Variants in SLC6A2 observed in about 807,000 individuals in gnomAD.
SLC6A2 encodes the protein solute carrier family 6 member 2.
Under a neutral mutation model 71.7 loss-of-function variants are expected in SLC6A2, and 26 were observed. That is an observed-to-expected ratio of 0.36 (90% confidence interval 0.27 to 0.50). SLC6A2 has a LOEUF of 0.50. Ranked by LOEUF, SLC6A2 falls within the 20% of genes least tolerant of loss-of-function variation. The probability of loss-of-function intolerance (pLI) is 0.96; values close to 1 mark genes in which losing one functional copy is unlikely to be tolerated. For missense variants in SLC6A2, 581 were observed against 803.9 expected (o/e 0.72, Z 3.35); for synonymous variants, 363 against 337.9 (o/e 1.07, Z -0.82).
At chr16:55,685,334 T>C in intron 5 of SLC6A2, 53 bp downstream of exon 5, 2 of 1,569,176 alleles carry the variant, frequency 1.3e-6, no homozygotes, top group South Asian at 2.2e-5. Flanking sequence ...CCTTGGGGGG[T>C]GTGATTATTT....
At chr16:55,691,830 C>G in intron 5 of SLC6A2, 88 bp from the exon 6 acceptor site, 1 of 1,458,638 alleles carries the variant, frequency 6.9e-7, no homozygotes, top group Non-Finnish European at 9.6e-7. Context: ...GCATGACTGG[C>G]TCCCTGGGAA....
chr16:55,673,841 C>T (rs909350185), intron 4 of SLC6A2, among the ~76,000 whole-genome samples: 10 of 152,168 alleles, frequency 6.6e-5, no homozygotes, highest in Non-Finnish European at 1.0e-4. Flanking sequence ...GGATTACAGG[C>T]GTGAGCCACC....
At chr16:55,699,525 G>T (rs1363615421) in intron 11 of SLC6A2, 29 bp from the exon 12 acceptor site, 2 of 1,578,878 alleles carry the variant, frequency 1.3e-6, no homozygotes, top group African/African-American at 2.7e-5. Context: ...TGGGGGCCAT[G>T]GTAACAGGCC....
chr16:55,665,524 G>A (rs1408684226), intron 2 of SLC6A2, among the ~76,000 whole-genome samples: 1 of 152,042 alleles, frequency 6.6e-6, no homozygotes, highest in Non-Finnish European at 1.5e-5. Context: ...ATCAAGGTGT[G>A]GCCAGAATTC....
chr16:55,702,415 C>A lies in SLC6A2; in HGVS notation c.*69C>A. On this transcript the variant is annotated 3_prime_UTR_variant, in exon 15 of 15. Transcript: ENST00000568943. Reference sequence around the variant, plus strand: ...GTCACAGGCATCCGCTGCGCTCCCACCTCGGACACCATCTTGGGATTCCTC... The same window carrying A: ...GTCACAGGCATCCGCTGCGCTCCCAACTCGGACACCATCTTGGGATTCCTC... 6.2e-7 allele frequency: 1 copy of A among 1,613,898 alleles called. No individual in the cohort carries two copies. Among genetic ancestry groups the A allele is most frequent in the South Asian group, 1.1e-5 (1 of 91,048 alleles).
Position 55,702,763 on chromosome 16 carries a change from T to TAAAAAA in SLC6A2, c.*421_*422insAAAAAA, listed in dbSNP as rs1168510484. 1.2e-5 allele frequency: 7 copies of TAAAAAA among 606,348 alleles called. 2 individuals carry two copies. Among genetic ancestry groups the TAAAAAA allele is most frequent in the Admixed American group, 1.1e-4 (2 of 17,406 alleles). 37.6% of individuals were successfully genotyped at this position (606,348 alleles called of 1,614,324 possible). A position where few individuals can be genotyped will look rare whatever the true frequency, so the allele number is the denominator to read the frequency against. On this transcript the variant is annotated 3_prime_UTR_variant, in exon 15 of 15. Transcript: ENST00000568943. ...TACCCCTCCCAAAAAAAAAAAAAAC[T>TAAAAAA]AAAACTAAAGCAAAAATCAAACAAA...
intron 4 of SLC6A2, among the ~76,000 whole-genome samples, chr16:55,684,538 G>A (rs1448875743): frequency 1.3e-5 from 2 of 152,178 alleles, no homozygotes; most frequent in Non-Finnish European, 1.5e-5. Flanking sequence ...TCCCCAATAG[G>A]AGAAATGTTC....
At chr16:55,660,877 G>GCC in intron 2 of SLC6A2, among the ~76,000 whole-genome samples, 1 of 152,322 alleles carries the variant, frequency 6.6e-6, no homozygotes, top group East Asian at 1.9e-4. Context: ...CAGAATGGAG[G>GCC]ATATTTTGAA....
Position 55,671,973 on chromosome 16 carries a change from G to T in SLC6A2, c.442G>T (p.Val148Phe), listed in dbSNP as rs1387138196. The part of the protein sequence containing the change: ...GYAVILIALY[V>F]GFYYNVIIAW... Reference sequence around the variant, plus strand: ...TGCTGTCATCCTGATCGCCCTGTACGTTGGCTTCTACTACAACGTCATCAT... The same window carrying T: ...TGCTGTCATCCTGATCGCCCTGTACTTTGGCTTCTACTACAACGTCATCAT... The change falls in exon 4 of 15, where the codon GTT becomes TTT. Residue 148 changes from valine to phenylalanine, a missense_variant. Transcript: ENST00000568943. The T allele has an allele frequency of 6.2e-7, 1 of 1,613,994 alleles. No individual in the cohort carries two copies. Among genetic ancestry groups the T allele is most frequent in the Admixed American group, 1.7e-5 (1 of 59,984 alleles).
chr16:55,698,610 A>G (rs1345247261), intron 11 of SLC6A2, 42 bp downstream of exon 11: 1 of 1,374,256 alleles, frequency 7.3e-7, no homozygotes, highest in Non-Finnish European at 1.0e-6. Context: ...CAGTCCTCCT[A>G]GAATCCTGCA....
intron 4 of SLC6A2, among the ~76,000 whole-genome samples, chr16:55,682,107 A>G (rs1230253122): frequency 6.6e-6 from 1 of 152,166 alleles, no homozygotes; most frequent in Non-Finnish European, 1.5e-5. Flanking sequence ...GGGTTTCGCC[A>G]TGTTGACCAG....
At chr16:55,660,390 C>T (rs1243277044) in intron 2 of SLC6A2, among the ~76,000 whole-genome samples, 3 of 152,198 alleles carry the variant, frequency 2.0e-5, no homozygotes, top group Non-Finnish European at 4.4e-5. Flanking sequence ...GTGCAGCCCT[C>T]CATCTCAGAC....
intron 9 of SLC6A2, 56 bp downstream of exon 9, chr16:55,696,393 C>T (rs1239147418): frequency 7.8e-6 from 8 of 1,019,930 alleles, no homozygotes; most frequent in Admixed American, 6.8e-5. Context: ...TGACCCCCTT[C>T]CCCAACACAC....
intron 5 of SLC6A2, among the ~76,000 whole-genome samples, chr16:55,685,809 G>A (rs184225813): frequency 6.6e-6 from 1 of 152,272 alleles, no homozygotes; most frequent in East Asian, 1.9e-4. Context: ...AGGGTTCCAG[G>A]TGCCTTGGAG....
intron 14 of SLC6A2, 44 bp downstream of exon 14, chr16:55,701,978 GC>G (rs1303351382): frequency 6.1e-6 from 9 of 1,476,556 alleles, no homozygotes; most frequent in Non-Finnish European, 4.7e-6. Flanking sequence ...ACAAGGGCGG[GC>G]CCTGGCTGTT....
chr16:55,671,257 G>C (rs755348011), intron 3 of SLC6A2, among the ~76,000 whole-genome samples: 2 of 152,190 alleles, frequency 1.3e-5, no homozygotes, highest in African/African-American at 2.4e-5. Flanking sequence ...TCCCATCAGG[G>C]GAGAATGTGA....
Position 55,699,674 on chromosome 16 carries a change from A to C in SLC6A2, c.1590+20A>C. On this transcript the variant is annotated intron_variant, in intron 12 of 14. Transcript: ENST00000568943. ...CTCCTGGTGTGTAGTGTCTGCAGGG[A>C]AGTCCTGCATGTGGGGAGGGGGCTG... 1 of 1,533,176 alleles carries C rather than the reference A, an allele frequency of 6.5e-7. No individual in the cohort carries two copies. The highest frequency in any genetic ancestry group is 9.0e-7 in the Non-Finnish European group (1 of 1,106,196). 95.0% of individuals were successfully genotyped at this position (1,533,176 alleles called of 1,614,324 possible).
At chr16:55,661,396 C>G (rs2142487912) in intron 2 of SLC6A2, among the ~76,000 whole-genome samples, 1 of 152,290 alleles carries the variant, frequency 6.6e-6, no homozygotes, top group Admixed American at 6.5e-5. Context: ...TTTCCTTACA[C>G]AGAAGAGGAG....
Position 55,656,779 on chromosome 16 carries a change from A to C in SLC6A2, c.85A>C (p.Lys29Gln). The change falls in exon 2 of 15, where the codon AAA becomes CAA. Residue 29 changes from lysine (K) to glutamine (Q), a missense_variant. Around this residue, in one of 5 missense-constraint regions of SLC6A2, gnomAD observed 76 missense variants for 79.9 expected, o/e 0.95. Coordinates refer to ENST00000568943, the MANE Select transcript of SLC6A2 (RefSeq NM_001172501.3). This position sits in a 1 kb window ranked among gnomAD's most constrained non-coding sequence, Gnocchi z 4.5. ...TCCAGAGCAGCCCCTTCGGGCGCGC[A>C]AAACTGCGGAGCTGCTGGTGGTGAA... ...TGPEQPLRARKTAELLVVKER... is the reference protein window; with the variant it reads ...TGPEQPLRARQTAELLVVKER... 2.5e-6 allele frequency: 4 copies of C among 1,613,320 alleles called. No homozygotes were observed. Among genetic ancestry groups the C allele is most frequent in the Non-Finnish European group, 3.4e-6 (4 of 1,179,794 alleles).
Sources: allele counts gnomAD v4.1 joint callset (sites outside exome capture counted in the v4.1 genomes callset), GRCh38; gene constraint gnomAD v4.1.1; regional missense constraint gnomAD v4.1.1; non-coding constraint Gnocchi (gnomAD v3.1); transcripts MANE v1.5; gene names NCBI Gene and HGNC (gene_info 2026-07-23, HGNC 2026-07-21).